Variants in HIP1 observed in about 807,000 individuals in gnomAD.
HIP1 encodes huntingtin-interacting protein 1.
A neutral mutation model predicts 147.6 loss-of-function variants in HIP1; 65 were observed. The observed-to-expected ratio is 0.44, with a 90% CI of 0.36 to 0.54. The LOEUF is 0.54. HIP1 is among the 20% of genes least tolerant of loss of function. HIP1 has a pLI of 0.00. For missense variants in HIP1, 1,061 were observed against 1,299.6 expected (o/e 0.82, Z 2.82); for synonymous variants, 479 against 504.0 (o/e 0.95, Z 0.67).
rs782264240 is a variant in HIP1, at chr7:75,554,101, C to T, written c.2158+12G>A. On this transcript the variant is annotated intron_variant, in intron 21 of 30. Coordinates refer to ENST00000336926, the MANE Select transcript of HIP1 (RefSeq NM_005338.7). ...CTGGTCCATGAACAGCCCCTCATGCCCCGGTACTCACAGTCGGCAGGCTCA... is the reference window on the plus strand; with the variant it reads ...CTGGTCCATGAACAGCCCCTCATGCTCCGGTACTCACAGTCGGCAGGCTCA... 1.9e-6 allele frequency: 3 copies of T among 1,605,410 alleles called. No individual in the cohort carries two copies. The highest frequency in any genetic ancestry group is 2.2e-5 in the South Asian group (2 of 90,820).
intron 11 of HIP1, 60 bp downstream of exon 11, chr7:75,562,875 C>T: frequency 1.3e-6 from 2 of 1,581,390 alleles, no homozygotes; most frequent in Non-Finnish European, 1.7e-6. Context: ...CTCCCCCAGC[C>T]TCTCCCCTGT....
At chr7:75,669,440 A>C (rs1263379763) in intron 1 of HIP1, among the ~76,000 whole-genome samples, 1 of 151,970 alleles carries the variant, frequency 6.6e-6, no homozygotes, top group African/African-American at 2.4e-5. Context: ...GTGCGTGCCT[A>C]TAATCTCAGT....
At position 75,592,431 on chromosome 7, in the gene HIP1, C is replaced by T. The variant is rs1554500994; in HGVS notation, c.268G>A (p.Val90Met). The part of the protein sequence containing the change: ...VNRLPLSSNA[V>M]LCWKFCHVFH... ...ACATGGCAGAACTTCCAGCAGAGCA[C>T]TGCGTTGCTAGACAGAGGCAGGCGG... The change falls in exon 3 of 31, where the codon GTG (valine) becomes ATG (methionine). Residue 90 changes from valine to methionine, a missense_variant. Transcript: ENST00000336926. The T allele has an allele frequency of 6.2e-7, 1 of 1,612,594 alleles. No homozygotes were observed. Among genetic ancestry groups the T allele is most frequent in the Admixed American group, 1.7e-5 (1 of 59,118 alleles).
At chr7:75,734,970 A>C (rs1180583789) in intron 1 of HIP1, among the ~76,000 whole-genome samples, 1 of 152,026 alleles carries the variant, frequency 6.6e-6, no homozygotes, top group Non-Finnish European at 1.5e-5. Flanking sequence ...AGGAAGAGTT[A>C]ATCACAGCCT....
rs782684361 is a variant in HIP1, at chr7:75,735,621, A to C, written c.120+3180T>G. Among the ~76,000 whole-genome samples, 62 of 152,034 alleles carry C rather than the reference A, an allele frequency of 4.1e-4. 2 individuals are homozygous for C. Among genetic ancestry groups the C allele is most frequent in the Non-Finnish European group, 1.6e-4 (11 of 68,010 alleles). On this transcript the variant is annotated intron_variant, in intron 1 of 30. Transcript: ENST00000336926. ...CATTTGATAGGTAGTCATTAAACAAAATAATTTTTTTGCAGATTGACTAAC... is the reference window on the plus strand; with the variant it reads ...CATTTGATAGGTAGTCATTAAACAACATAATTTTTTTGCAGATTGACTAAC...
At position 75,562,619 on chromosome 7, in the gene HIP1, T is replaced by A. The variant is rs1012178103; in HGVS notation, c.1020+316A>T. On this transcript the variant is annotated intron_variant, in intron 11 of 30. Coordinates refer to ENST00000336926, the MANE Select transcript of HIP1 (RefSeq NM_005338.7). ...TCCCACATAGCTGGGACCACAGGTA[T>A]GTGCCACCACATCTGGCTAATTTTG... is the stretch of plus-strand genomic sequence containing the variant. 4.1e-4 allele frequency among the ~76,000 whole-genome samples: 63 copies of A among 152,170 alleles called. 1 individual carries two copies. The highest frequency in any genetic ancestry group is 1.9e-4 in the Non-Finnish European group (13 of 68,026).
intron 1 of HIP1, among the ~76,000 whole-genome samples, chr7:75,729,647 A>G (rs781851148): frequency 2.0e-5 from 3 of 150,554 alleles, no homozygotes; most frequent in Non-Finnish European, 3.0e-5. Context: ...TGAGCTGGGC[A>G]TGGTGGCAGG....
intron 8 of HIP1, among the ~76,000 whole-genome samples, chr7:75,569,607 T>C (rs1554496185): frequency 1.3e-5 from 2 of 152,042 alleles, no homozygotes. Context: ...AGACCCTGTC[T>C]TGAAACAAAA....
intron 1 of HIP1, among the ~76,000 whole-genome samples, chr7:75,719,177 A>C (rs1465452343): frequency 3.3e-5 from 5 of 151,976 alleles, no homozygotes; most frequent in African/African-American, 4.8e-5. Flanking sequence ...TAAAAATTAA[A>C]GAGAAAGAAT....
intron 1 of HIP1, among the ~76,000 whole-genome samples, chr7:75,644,686 G>A (rs1175889582): frequency 5.3e-5 from 8 of 152,172 alleles, no homozygotes; most frequent in Non-Finnish European, 1.0e-4. Flanking sequence ...CAGCAAATAC[G>A]TAGGTTTTAT....
At chr7:75,692,268 T>C (rs1027894692) in intron 1 of HIP1, among the ~76,000 whole-genome samples, 1 of 150,272 alleles carries the variant, frequency 6.7e-6, no homozygotes, top group Non-Finnish European at 1.5e-5. Flanking sequence ...TATTTATTGA[T>C]TTTTTTTTAA....
chr7:75,687,462 C>T (rs181301235), intron 1 of HIP1, among the ~76,000 whole-genome samples: 29 of 152,266 alleles, frequency 1.9e-4, no homozygotes, highest in Non-Finnish European at 2.5e-4. Context: ...GAGGCCAAGG[C>T]GGGAGGATCA....
chr7:75,728,501 G>A (rs1801723790), intron 1 of HIP1, among the ~76,000 whole-genome samples: 2 of 152,188 alleles, frequency 1.3e-5, no homozygotes, highest in South Asian at 2.1e-4. Context: ...GGCTGTGCCC[G>A]CTGCCACACC....
intron 1 of HIP1, among the ~76,000 whole-genome samples, chr7:75,666,271 C>T (rs1303673045): frequency 2.6e-5 from 4 of 151,480 alleles, no homozygotes; most frequent in Admixed American, 2.0e-4. Flanking sequence ...TGGGTTCAAG[C>T]GATTCTCCTG....
intron 1 of HIP1, among the ~76,000 whole-genome samples, chr7:75,685,710 G>A (rs1051760426): frequency 1.3e-5 from 2 of 152,036 alleles, no homozygotes; most frequent in Admixed American, 6.6e-5. Context: ...CACCACGCCC[G>A]GCTAATTTTT....
At chr7:75,688,813 G>A (rs1428228128) in intron 1 of HIP1, among the ~76,000 whole-genome samples, 2 of 152,176 alleles carry the variant, frequency 1.3e-5, no homozygotes, top group African/African-American at 2.4e-5. Context: ...TGGCCCCGGC[G>A]TGTCCCTGAC....
In HIP1 at chr7:75,541,946, C is replaced by T. The variant is rs781918960; in HGVS notation, c.2925G>A (p.Gln975=). 10 of 1,613,826 alleles carry T rather than the reference C, an allele frequency of 6.2e-6. No individual in the cohort carries two copies. Among genetic ancestry groups the T allele is most frequent in the Non-Finnish European group, 8.5e-6 (10 of 1,179,824 alleles). The change falls in exon 29 of 31, where the codon CAG becomes CAA. Residue 975 remains glutamine (Q), a synonymous_variant. Transcript: ENST00000336926. ...GAGAATCCATCTCTTGGCGTTTGAT[C>T]TGTGTCAGCGTCATGCTTGAGAAGT... The part of the protein sequence containing the change: ...NMDFSSMTLT[Q]IKRQEMDSQV...
At chr7:75,620,418 G>T (rs1233438143) in intron 1 of HIP1, among the ~76,000 whole-genome samples, 1 of 150,664 alleles carries the variant, frequency 6.6e-6, no homozygotes, top group Non-Finnish European at 1.5e-5. Context: ...CAGGCACAAT[G>T]GCTCATGCCT....
At chr7:75,694,534 A>T (rs1800572352) in intron 1 of HIP1, among the ~76,000 whole-genome samples, 1 of 132,224 alleles carries the variant, frequency 7.6e-6, no homozygotes, top group Non-Finnish European at 1.6e-5. Flanking sequence ...GGAGGGGGAC[A>T]GGGTCTCACT....
Sources: gnomAD v4.1 joint callset for allele counts (sites outside exome capture counted in the v4.1 genomes callset) on GRCh38, gnomAD v4.1.1 for gene constraint, MANE v1.5 for transcripts, NCBI Gene and HGNC (gene_info 2026-07-23, HGNC 2026-07-21) for gene names.